Variants in COL4A6 observed in about 807,000 individuals in gnomAD.
COL4A6 encodes collagen alpha-6(IV) chain.
In COL4A6, 59 loss-of-function variants were observed where a neutral mutation model predicts 126.7. That is an observed-to-expected ratio of 0.47 (90% CI 0.38 to 0.58). COL4A6 has a LOEUF of 0.58. Ranked by LOEUF, COL4A6 falls within the 20% of genes least tolerant of loss-of-function variation. The pLI is 0.00. For synonymous variants in COL4A6, 547 were observed against 496.6 expected, an observed-to-expected ratio of 1.10 and a Z score of -1.35; for missense variants, 1,285 against 1,337.3, an observed-to-expected ratio of 0.96 and a Z score of 0.61.
At chrX:108,162,707 A>C (rs1042574595) in intron 41 of COL4A6, among the ~76,000 whole-genome samples, 185 bp downstream of exon 41, 1 of 111,588 alleles carries the variant, frequency 9.0e-6, no homozygotes, top group Admixed American at 9.4e-5. Flanking sequence ...GCCAAGTACC[A>C]AGTACAACCA....
chrX:108,235,028 G>A (rs890861290), intron 3 of COL4A6, among the ~76,000 whole-genome samples: 6 of 111,307 alleles, frequency 5.4e-5, no homozygotes, highest in Admixed American at 4.8e-4. Context: ...GAGCTCCCCC[G>A]ACACTAGAGA....
At chrX:108,251,124 C>T (rs1044926337) in intron 3 of COL4A6, among the ~76,000 whole-genome samples, 10 of 111,237 alleles carry the variant, frequency 9.0e-5, no homozygotes, top group African/African-American at 2.9e-4. Context: ...ATTCCACATG[C>T]GGACTGAGGC....
At chrX:108,362,986 A>G (rs2040120725) in intron 2 of COL4A6, among the ~76,000 whole-genome samples, 1 of 112,128 alleles carries the variant, frequency 8.9e-6, no homozygotes, top group Admixed American at 9.5e-5. Context: ...AGAATTCAAG[A>G]CAATGAAGTC....
intron 31 of COL4A6, among the ~76,000 whole-genome samples, chrX:108,173,909 T>C (rs2148094811): frequency 8.9e-6 from 1 of 112,733 alleles, no homozygotes; most frequent in South Asian, 3.7e-4. Context: ...CGTTGCACCT[T>C]GTGGAGCTTC....
chrX:108,207,192 C>G (rs1407124525), intron 8 of COL4A6, among the ~76,000 whole-genome samples: 1 of 110,865 alleles, frequency 9.0e-6, no homozygotes, highest in Non-Finnish European at 1.9e-5. Context: ...TAACTGAACT[C>G]TTGTCTACTA....
rs142428035 is a variant in COL4A6 at position 108,215,789 on chromosome X, G to A, written c.325-1561C>T. 1.5e-3 allele frequency among the ~76,000 whole-genome samples: 171 copies of A among 110,875 alleles called. 3 individuals carry two copies. The East Asian group carries it at 0.036, about 23-fold the overall frequency. ...TTACCATTCCATTTTTTCCCCTTTC[G>A]GGTCTAGGGGTAGCTTTGAGTTAGT... On this transcript the variant is annotated intron_variant, in intron 5 of 44. Coordinates refer to ENST00000334504, the MANE Select transcript of COL4A6 (RefSeq NM_033641.4).
chrX:108,173,171 T>A (rs1217285700), intron 31 of COL4A6, among the ~76,000 whole-genome samples: 3 of 112,200 alleles, frequency 2.7e-5, no homozygotes, highest in Non-Finnish European at 5.6e-5. Context: ...TTTTGGTTCA[T>A]TTTGAGATTT....
At chrX:108,264,178 A>AT (rs2037238303) in intron 3 of COL4A6, among the ~76,000 whole-genome samples, 1 of 111,220 alleles carries the variant, frequency 9.0e-6, no homozygotes, top group Non-Finnish European at 1.9e-5. Context: ...GAGATCTATC[A>AT]TCTAGCTACC....
chrX:108,315,282 C>T (rs1167091024), intron 2 of COL4A6, among the ~76,000 whole-genome samples: 2 of 111,451 alleles, frequency 1.8e-5, no homozygotes, highest in Admixed American at 9.5e-5. Context: ...ACTCTGTCAC[C>T]CAGGCTGGAG....
At chrX:108,377,494 T>C (rs1323044765) in intron 2 of COL4A6, among the ~76,000 whole-genome samples, 1 of 109,430 alleles carries the variant, frequency 9.1e-6, no homozygotes, top group Non-Finnish European at 1.9e-5. Flanking sequence ...ACATAAATAA[T>C]CTTCTCTCAT....
chrX:108,279,744 T>C (rs892875436), intron 3 of COL4A6, among the ~76,000 whole-genome samples: 9 of 111,559 alleles, frequency 8.1e-5, no homozygotes, highest in African/African-American at 2.3e-4. Flanking sequence ...TAGTTGGAAG[T>C]AAAGCACTCC....
At chrX:108,388,116 G>T (rs2040743131) in intron 2 of COL4A6, among the ~76,000 whole-genome samples, 1 of 111,992 alleles carries the variant, frequency 8.9e-6, no homozygotes, top group Middle Eastern at 4.6e-3. Context: ...TATTCGGTTT[G>T]CCAGTATCTT....
intron 16 of COL4A6, 32 bp downstream of exon 16, chrX:108,194,502 C>A (rs1476060976): frequency 8.4e-7 from 1 of 1,185,956 alleles, no homozygotes; most frequent in East Asian, 3.0e-5. Flanking sequence ...CTTCTACCTA[C>A]CAACCCTGGA....
At chrX:108,243,298 GC>G (rs1256374994) in intron 3 of COL4A6, among the ~76,000 whole-genome samples, 1 of 97,773 alleles carries the variant, frequency 1.0e-5, no homozygotes, top group Non-Finnish European at 2.1e-5. Context: ...ATATGTTGAA[GC>G]CCCCCTCCCC....
At chrX:108,405,238 C>T (rs2041181533) in intron 2 of COL4A6, among the ~76,000 whole-genome samples, 1 of 109,493 alleles carries the variant, frequency 9.1e-6, no homozygotes, top group Admixed American at 9.7e-5. Flanking sequence ...TCCCTCTTTC[C>T]CCCAGGCTGG....
chrX:108,416,307 T>C (rs2148256187), intron 2 of COL4A6, among the ~76,000 whole-genome samples: 1 of 111,945 alleles, frequency 8.9e-6, no homozygotes, highest in South Asian at 3.7e-4. Context: ...CAGTGTATGC[T>C]GAAAAAGCAC....
At chrX:108,363,472 C>T (rs955545663) in intron 2 of COL4A6, among the ~76,000 whole-genome samples, 1 of 111,834 alleles carries the variant, frequency 8.9e-6, no homozygotes, top group African/African-American at 3.3e-5. Flanking sequence ...TAAAAAGTAG[C>T]AGGGGCGTAT....
intron 2 of COL4A6, among the ~76,000 whole-genome samples, chrX:108,340,318 A>T (rs1006646143): frequency 9.0e-6 from 1 of 111,679 alleles, no homozygotes; most frequent in Non-Finnish European, 1.9e-5. Context: ...TTTTATTTTT[A>T]AATTTTAATT....
At chrX:108,279,320 A>G (rs2037723743) in intron 3 of COL4A6, among the ~76,000 whole-genome samples, 1 of 111,221 alleles carries the variant, frequency 9.0e-6, no homozygotes, top group African/African-American at 3.3e-5. Context: ...AATGGAAAAC[A>G]AAAAAAGGCA....
Sources: allele counts gnomAD v4.1 joint callset (sites outside exome capture counted in the v4.1 genomes callset), GRCh38; gene constraint gnomAD v4.1.1; transcripts MANE v1.5; gene names NCBI Gene and HGNC (gene_info 2026-07-23, HGNC 2026-07-21).